The following CTDSPL2 variants were observed in gnomAD, a reference collection of about 807,000 sequenced individuals.
The protein encoded by CTDSPL2 is CTD small phosphatase like 2, also known as CTD small phosphatase-like protein 2.
Under a neutral mutation model 60.0 loss-of-function variants are expected in CTDSPL2, and 5 were observed. That is an observed-to-expected ratio of 0.08 (90% confidence interval 0.04 to 0.18). The LOEUF (loss-of-function observed/expected upper bound fraction) is 0.18, where lower values mean the gene tolerates loss of function less well. Among genes scored for constraint, CTDSPL2 ranks in the 10% least tolerant of loss-of-function variants. CTDSPL2 has a pLI of 1.00. For missense variants in CTDSPL2, 370 were observed against 548.8 expected (o/e 0.67, Z 3.26); for synonymous variants, 186 against 189.3 (o/e 0.98, Z 0.14).
intron 2 of CTDSPL2, among the ~76,000 whole-genome samples, chr15:44,482,926 A>G (rs2081053210): frequency 6.6e-6 from 1 of 152,224 alleles, no homozygotes; most frequent in African/African-American, 2.4e-5. Context: ...TCATTAAAAC[A>G]GTAAGGAATT....
At chr15:44,501,289 C>A (rs1354974219) in intron 8 of CTDSPL2, among the ~76,000 whole-genome samples, 1 of 152,002 alleles carries the variant, frequency 6.6e-6, no homozygotes, top group African/African-American at 2.4e-5. Flanking sequence ...TTTGAGATGA[C>A]TTCTTAAGCT....
Position 44,486,685 on chromosome 15 carries a change from C to G in CTDSPL2, c.460C>G (p.Pro154Ala), listed in dbSNP as rs749019424. Residue 154 changes from proline (P) to alanine (A), a missense_variant, in exon 4 of 13, where the codon CCA (proline) becomes GCA (alanine). By Grantham distance (27) the Pro-to-Ala change is conservative (BLOSUM62 -1). Coordinates refer to ENST00000260327, the MANE Select transcript of CTDSPL2 (RefSeq NM_016396.3). ...IFSPVFNFFS[P>A]ANKNGTSGSD... ...TTCACCTGTCTTCAACTTTTTTTCA[C>G]CAGCAAATAAAAATGGTAAGTATAA... 6.3e-7 allele frequency: 1 copy of G among 1,582,120 alleles called. No individual in the cohort carries two copies.
intron 8 of CTDSPL2, chr15:44,503,415 T>C (rs944412798): frequency 2.6e-5 from 4 of 152,190 alleles, no homozygotes; most frequent in African/African-American, 9.6e-5. Flanking sequence ...AGGTCTCCAC[T>C]GTATTTAGTT....
At chr15:44,507,020 G>C (rs2081479956) in intron 8 of CTDSPL2, among the ~76,000 whole-genome samples, 2 of 151,188 alleles carry the variant, frequency 1.3e-5, no homozygotes, top group African/African-American at 4.9e-5. Flanking sequence ...GCCCACCTCG[G>C]CCTCCCAAAG....
chr15:44,466,804 T>C (rs1595726961), intron 2 of CTDSPL2, among the ~76,000 whole-genome samples: 1 of 149,956 alleles, frequency 6.7e-6, no homozygotes, highest in African/African-American at 2.4e-5. Flanking sequence ...CTGGGCATGG[T>C]GGCGGGCGCC....
intron 1 of CTDSPL2, among the ~76,000 whole-genome samples, chr15:44,430,816 G>A (rs998291227): frequency 6.6e-6 from 1 of 151,530 alleles, no homozygotes; most frequent in South Asian, 2.1e-4. Flanking sequence ...GGGGTCATTT[G>A]CTACTTTTTT....
At chr15:44,496,719 G>T (rs535001727) in intron 6 of CTDSPL2, among the ~76,000 whole-genome samples, 1 of 152,216 alleles carries the variant, frequency 6.6e-6, no homozygotes, top group African/African-American at 2.4e-5. Context: ...AAATTGGCCG[G>T]ACACGGTGGC....
chr15:44,509,823 G>A (rs534506775), intron 8 of CTDSPL2, among the ~76,000 whole-genome samples: 18 of 152,062 alleles, frequency 1.2e-4, no homozygotes, highest in African/African-American at 4.3e-4. Flanking sequence ...CTACTTGGGA[G>A]GCTGAGGCAG....
At chr15:44,432,874 G>A (rs988782959) in intron 1 of CTDSPL2, among the ~76,000 whole-genome samples, 4 of 151,662 alleles carry the variant, frequency 2.6e-5, no homozygotes, top group African/African-American at 7.3e-5. Context: ...CACCTGCCTC[G>A]GTCTCCCAAA....
At chr15:44,512,978 A>G (rs538180742) in intron 8 of CTDSPL2, among the ~76,000 whole-genome samples, 18 of 151,768 alleles carry the variant, frequency 1.2e-4, no homozygotes, top group Non-Finnish European at 2.1e-4. Flanking sequence ...AGGCTGGGGT[A>G]GGAGAATTGC....
At chr15:44,441,941 C>T (rs1350714753) in intron 1 of CTDSPL2, among the ~76,000 whole-genome samples, 2 of 152,050 alleles carry the variant, frequency 1.3e-5, no homozygotes, top group Non-Finnish European at 2.9e-5. Flanking sequence ...TTAGTTTAGA[C>T]CAAAGGAAAG....
In CTDSPL2 at chr15:44,463,566, A is replaced by G. The variant is rs561852864; in HGVS notation, c.186+4366A>G. Among the ~76,000 whole-genome samples, 5 of 152,348 alleles carry G rather than the reference A, an allele frequency of 3.3e-5. No homozygotes were observed. In the South Asian group the frequency reaches 8.3e-4, roughly 25 times the overall value. On this transcript the variant is annotated intron_variant, in intron 2 of 12. Transcript: ENST00000260327. ...CTATAAGATTATTATTGAAATTAATATTTGAATGCTTTACTAAAATCGGAG... is the reference window on the plus strand; with the variant it reads ...CTATAAGATTATTATTGAAATTAATGTTTGAATGCTTTACTAAAATCGGAG...
chr15:44,499,973 T>A (rs561405581), intron 8 of CTDSPL2, among the ~76,000 whole-genome samples, 160 bp downstream of exon 8: 92 of 152,324 alleles, frequency 6.0e-4, no homozygotes, highest in Non-Finnish European at 1.2e-3. Context: ...AAAATTAGCA[T>A]CATGCTAGAT....
At chr15:44,453,155 C>T (rs1162034385) in intron 1 of CTDSPL2, among the ~76,000 whole-genome samples, 2 of 151,880 alleles carry the variant, frequency 1.3e-5, no homozygotes, top group East Asian at 3.9e-4. Context: ...GCCTAATTGC[C>T]TGCTTAGAAC....
At chr15:44,465,665 C>G (rs2080670387) in intron 2 of CTDSPL2, among the ~76,000 whole-genome samples, 1 of 148,710 alleles carries the variant, frequency 6.7e-6, no homozygotes, top group Non-Finnish European at 1.5e-5. Context: ...ATCTTTAACT[C>G]TGATTTGCCA....
chr15:44,496,281 C>A, intron 5 of CTDSPL2, 99 bp from the exon 6 acceptor site: 1 of 792,974 alleles, frequency 1.3e-6, no homozygotes, highest in Non-Finnish European at 2.0e-6. Context: ...CTTTAAAATA[C>A]ACAAGGCTTT....
chr15:44,437,993 A>G (rs1328390720), intron 1 of CTDSPL2, among the ~76,000 whole-genome samples: 3 of 152,210 alleles, frequency 2.0e-5, no homozygotes, highest in African/African-American at 7.2e-5. Flanking sequence ...GGCTGGGTGC[A>G]GTGGCTCACG....
chr15:44,442,829 A>T (rs1403071296), intron 1 of CTDSPL2, among the ~76,000 whole-genome samples: 1 of 152,154 alleles, frequency 6.6e-6, no homozygotes. Flanking sequence ...TTAAAAAATT[A>T]GCTGGGCGTA....
At chr15:44,456,053 T>C (rs2080432652) in intron 1 of CTDSPL2, among the ~76,000 whole-genome samples, 1 of 151,398 alleles carries the variant, frequency 6.6e-6, no homozygotes, top group African/African-American at 2.4e-5. Context: ...GGTTTCACCG[T>C]GTTAGCCAGG....
Sources: allele counts gnomAD v4.1 joint callset (sites outside exome capture counted in the v4.1 genomes callset), GRCh38; gene constraint gnomAD v4.1.1; transcripts MANE v1.5; gene names NCBI Gene and HGNC (gene_info 2026-07-23, HGNC 2026-07-21).